Variants in XAB2 observed in about 807,000 individuals in gnomAD.
The protein encoded by XAB2 is pre-mRNA-splicing factor SYF1.
A neutral mutation model predicts 113.4 loss-of-function variants in XAB2; 57 were observed. The observed-to-expected ratio is 0.50, with a 90% confidence interval of 0.41 to 0.63. XAB2 has a LOEUF of 0.63. XAB2 is among the 20% of genes least tolerant of loss of function. The probability of loss-of-function intolerance (pLI) is 0.00; values close to 1 mark genes in which losing one functional copy is unlikely to be tolerated. For missense variants in XAB2, 1,037 were observed against 1,233.3 expected (o/e 0.84, Z 2.38); for synonymous variants, 497 against 498.8 (o/e 1.00, Z 0.05).
intron 12 of XAB2, chr19:7,622,061 G>A (rs770750080): frequency 2.5e-6 from 1 of 394,314 alleles, no homozygotes. Context: ...TTTCAAAAGT[G>A]ACACACACAA....
In XAB2 at chr19:7,624,072, C is replaced by A. The variant is rs1490911152; in HGVS notation, c.968-190G>T. On this transcript the variant is annotated intron_variant, in intron 7 of 18. Transcript: ENST00000358368. This position sits in a 1 kb window ranked among gnomAD's most constrained non-coding sequence, Gnocchi z 4.2. ...GGTACTGTGGATACCCCCTCCTACC[C>A]CCACTGTTCCCCTAGCCCTCCTGCC... Among the ~76,000 whole-genome samples the A allele has an allele frequency of 4.0e-5, 6 of 151,370 alleles. No homozygotes were observed. The highest frequency in any genetic ancestry group is 8.9e-5 in the Non-Finnish European group (6 of 67,772).
At chr19:7,620,508 GCCC>G in intron 15 of XAB2, 36 bp downstream of exon 15, 1 of 1,610,968 alleles carries the variant, frequency 6.2e-7, no homozygotes. Context: ...CTCCGCCGCA[GCCC>G]CCAACCCTGA....
intron 16 of XAB2, 84 bp from the exon 17 acceptor site, chr19:7,620,159 G>A: frequency 6.3e-7 from 1 of 1,592,756 alleles, no homozygotes; most frequent in South Asian, 1.1e-5. Context: ...CCCAGGTGAT[G>A]GCCCAGCCCT....
At position 7,621,095 on chromosome 19, in the gene XAB2, GC is replaced by G. The variant is rs751579649; in HGVS notation, c.1780+39del. ...TCAGCCGGGGCCAGTCAGAAACCCA[GC>G]CCGCCCGCCACCCCCCCCATGCCCT... On this transcript the variant is annotated intron_variant, in intron 13 of 18. Transcript: ENST00000358368. 105 of 1,487,554 alleles carry G rather than the reference GC, an allele frequency of 7.1e-5. No homozygotes were observed. In the East Asian group the frequency reaches 2.6e-3, roughly 37 times the overall value. The allele number at this position is 1,487,554 out of a possible 1,614,324, so 92.1% of individuals were successfully genotyped here.
Position 7,623,951 on chromosome 19 carries a change from C to T in XAB2, c.968-69G>A, listed in dbSNP as rs4134843. On this transcript the variant is annotated intron_variant, in intron 7 of 18. Coordinates refer to ENST00000358368, the MANE Select transcript of XAB2 (RefSeq NM_020196.3). This position sits in a 1 kb window ranked among gnomAD's most constrained non-coding sequence, Gnocchi z 4.6. ...GCAGGTCCCCGGATGCCACCGCCTC[C>T]ACTCCCCACCCTCACTCCGCTCCAG... 7.2e-3 allele frequency: 10,585 copies of T among 1,468,628 alleles called. 539 individuals are homozygous for T. In the Admixed American group the frequency reaches 0.14, roughly 19 times the overall value. The allele number at this position is 1,468,628 out of a possible 1,614,324, so 91.0% of individuals were successfully genotyped here. A position where few individuals can be genotyped will look rare whatever the true frequency, so the allele number is the denominator to read the frequency against.
chr19:7,622,873 C>T lies in XAB2; in HGVS notation c.1260G>A (p.Lys420=). The change falls in exon 10 of 19, where the codon AAG becomes AAA. Residue 420 remains lysine, a synonymous_variant. Transcript: ENST00000358368. ...CCTGCTTGAAGTTCACCTTGGTGGC[C>T]TTCTCCAGGATGACACGGGCCTGCC... The part of the protein sequence containing the change: ...QLDDARVILE[K]ATKVNFKQVD... The T allele has an allele frequency of 1.2e-6, 2 of 1,613,844 alleles. No individual in the cohort carries two copies. The highest frequency in any genetic ancestry group is 1.7e-6 in the Non-Finnish European group (2 of 1,179,954).
intron 12 of XAB2, chr19:7,621,914 A>C: frequency 4.7e-6 from 1 of 214,352 alleles, no homozygotes; most frequent in Non-Finnish European, 9.5e-6. Flanking sequence ...CCCCCCTCAA[A>C]ACATTCATAT....
rs755696198 is a variant in XAB2, at chr19:7,624,283, G to A, written c.967+18C>T. 1.9e-6 allele frequency: 3 copies of A among 1,611,848 alleles called. No homozygotes were observed. The highest frequency in any genetic ancestry group is 2.5e-6 in the Non-Finnish European group (3 of 1,179,980). On this transcript the variant is annotated intron_variant, in intron 7 of 18. Coordinates refer to ENST00000358368, the MANE Select transcript of XAB2 (RefSeq NM_020196.3). The surrounding 1 kb of genome is among the most constrained non-coding windows in gnomAD (Gnocchi z 4.2). ...CACTCAGCTCTCTCCCCACCAGCCG[G>A]GGCCCCCAGAGGCTCACCCTCCTCC...
Position 7,620,859 on chromosome 19 carries a change from T to C in XAB2, c.1958A>G (p.Gln653Arg). The change falls in exon 14 of 19, where the codon CAG becomes CGG. Residue 653 changes from glutamine to arginine, a missense_variant. Gln to Arg is a conservative substitution (Grantham distance 43). Transcript: ENST00000358368. The stretch of plus-strand genomic sequence containing the variant: ...CACGGTGGGTACCTCAATGGCCTTC[T>C]GGTAGATGCCGCGGGTGTGGGTGAC... ...YGVTHTRGIY[Q>R]KAIEVLSDEH... The C allele has an allele frequency of 6.3e-7, 1 of 1,586,050 alleles. No individual in the cohort carries two copies. The highest frequency in any genetic ancestry group is 8.6e-7 in the Non-Finnish European group (1 of 1,164,904).
At chr19:7,622,298 T>C (rs763838552) in intron 12 of XAB2, 33 bp downstream of exon 12, 1 of 1,607,992 alleles carries the variant, frequency 6.2e-7, no homozygotes, top group South Asian at 1.1e-5. Context: ...GACACTGCCA[T>C]CAGGGGCCTC....
In XAB2 at chr19:7,626,104, C is replaced by T. The variant is rs544785645; in HGVS notation, c.657+32G>A. ...GCTCAGTCATGGAGGGGGTGGCCCT[C>T]CCACCCAGTTGCCGGCTCCCGGCAG... On this transcript the variant is annotated intron_variant, in intron 5 of 18. Transcript: ENST00000358368. 1.2e-5 allele frequency: 20 copies of T among 1,612,648 alleles called. No individual in the cohort carries two copies. In the Admixed American group the frequency reaches 2.3e-4, roughly 19 times the overall value.
At position 7,625,070 on chromosome 19, in the gene XAB2, G is replaced by A. The variant is rs1037768089; in HGVS notation, c.823-625C>T. 1.5e-4 allele frequency among the ~76,000 whole-genome samples: 23 copies of A among 152,298 alleles called. No homozygotes were observed. Among genetic ancestry groups the A allele is most frequent in the Middle Eastern group, 3.4e-3 (1 of 294 alleles). Reference sequence around the variant, plus strand: ...AGCATGGCCAGCCCGTTTGGCTTTCGAGGCTCCCAACCTATCTTCCCTGGG... The same window carrying A: ...AGCATGGCCAGCCCGTTTGGCTTTCAAGGCTCCCAACCTATCTTCCCTGGG... On this transcript the variant is annotated intron_variant, in intron 6 of 18. Transcript: ENST00000358368. This position sits in a 1 kb window ranked among gnomAD's most constrained non-coding sequence, Gnocchi z 5.2.
chr19:7,624,283 G>C lies in XAB2; in HGVS notation c.967+18C>G, dbSNP rs755696198. 6.2e-7 allele frequency: 1 copy of C among 1,611,966 alleles called. No homozygotes were observed. The highest frequency in any genetic ancestry group is 8.5e-7 in the Non-Finnish European group (1 of 1,179,972). On this transcript the variant is annotated intron_variant, in intron 7 of 18. Transcript: ENST00000358368. This position sits in a 1 kb window ranked among gnomAD's most constrained non-coding sequence, Gnocchi z 4.2. ...CACTCAGCTCTCTCCCCACCAGCCG[G>C]GGCCCCCAGAGGCTCACCCTCCTCC...
At position 7,623,763 on chromosome 19, in the gene XAB2, G is replaced by T; in HGVS notation, c.1087C>A (p.Arg363Ser). The change falls in exon 8 of 19, where the codon CGT becomes AGT. Residue 363 changes from arginine to serine, a missense_variant. Transcript: ENST00000358368. The surrounding 1 kb of genome is among the most constrained non-coding windows in gnomAD (Gnocchi z 4.6). Reference sequence around the variant, plus strand: ...GGGCGGCCCTGGTGCAGGGCGACACGCTTGTGCCACTCGTGCACGTGGTGT... The same window carrying T: ...GGGCGGCCCTGGTGCAGGGCGACACTCTTGTGCCACTCGTGCACGTGGTGT... ...NPHHVHEWHK[R>S]VALHQGRPRE... is the part of the protein sequence containing the mutation. 1 of 1,611,054 alleles carries T rather than the reference G, an allele frequency of 6.2e-7. No homozygotes were observed.
At position 7,620,615 on chromosome 19, in the gene XAB2, A is replaced by C. The variant is rs1207000405; in HGVS notation, c.2026T>G (p.Cys676Gly). 1 of 1,612,950 alleles carries C rather than the reference A, an allele frequency of 6.2e-7. No homozygotes were observed. Among genetic ancestry groups the C allele is most frequent in the East Asian group, 2.2e-5 (1 of 44,852 alleles). The stretch of plus-strand genomic sequence containing the variant: ...GCGCGGTCAATCTCCCCGAGCTTGC[A>C]CTCCATGTCTGCAAACCGCAGGCAC... ...EMCLRFADMECKLGEIDRARA... is the reference protein window; with the variant it reads ...EMCLRFADMEGKLGEIDRARA... Residue 676 changes from cysteine to glycine, a missense_variant, in exon 15 of 19, where the codon TGC (cysteine) becomes GGC (glycine). Coordinates refer to ENST00000358368, the MANE Select transcript of XAB2 (RefSeq NM_020196.3).
In XAB2 at chr19:7,623,329, C is replaced by T. The variant is rs370194637; in HGVS notation, c.1120-40G>A. 92 of 1,604,894 alleles carry T rather than the reference C, an allele frequency of 5.7e-5. No individual in the cohort carries two copies. The African/African-American group carries it at 9.9e-4, about 17-fold the overall frequency. ...GAGGAGGTCATATAGGACTCAGGAC[C>T]CTGCAGATGACGGTCGGGGCAGAGC... On this transcript the variant is annotated intron_variant, in intron 8 of 18. Coordinates refer to ENST00000358368, the MANE Select transcript of XAB2 (RefSeq NM_020196.3). The surrounding 1 kb of genome is among the most constrained non-coding windows in gnomAD (Gnocchi z 4.6).
chr19:7,626,411 C>T, intron 4 of XAB2, 141 bp from the exon 5 acceptor site: 1 of 1,235,638 alleles, frequency 8.1e-7, no homozygotes, highest in Non-Finnish European at 1.1e-6. Flanking sequence ...CCAGCCTCAG[C>T]CCCACTGGTC....
At position 7,619,641 on chromosome 19, in the gene XAB2, C is replaced by A. The variant is rs144798612; in HGVS notation, c.2513G>T (p.Arg838Leu). Reference sequence around the variant, plus strand: ...GGCTGGCACGCTCTGCTGCTCCAGCCGAACCTCTGTGGGGAAGGCGGGAGC... The same window carrying A: ...GGCTGGCACGCTCTGCTGCTCCAGCAGAACCTCTGTGGGGAAGGCGGGAGC... Reference protein sequence around the residue: ...DEMDLEPNEVRLEQQSVPAAV... With the variant: ...DEMDLEPNEVLLEQQSVPAAV... Residue 838 changes from arginine (R) to leucine (L), a missense_variant, in exon 19 of 19, where the codon CGG becomes CTG. Arg to Leu is a moderately radical substitution (Grantham distance 102, BLOSUM62 -2). Coordinates refer to ENST00000358368, the MANE Select transcript of XAB2 (RefSeq NM_020196.3). 2.2e-5 allele frequency: 35 copies of A among 1,603,720 alleles called. No homozygotes were observed. In the African/African-American group the frequency reaches 4.5e-4, roughly 21 times the overall value.
rs140344688 is a variant in XAB2, at chr19:7,619,974, G to C, written c.2368C>G (p.Arg790Gly). 6.2e-7 allele frequency: 1 copy of C among 1,611,898 alleles called. No homozygotes were observed. The highest frequency in any genetic ancestry group is 1.7e-5 in the Admixed American group (1 of 60,018). Reference protein sequence around the residue: ...AAEAERDQPLRAQSKILFVRS... With the variant: ...AAEAERDQPLGAQSKILFVRS... ...ACGAACAGGATCTTGCTCTGGGCGC[G>C]CAAGGGCTGGTCACGCTCCGCCTCA... Residue 790 changes from arginine to glycine, a missense_variant, in exon 17 of 19, where the codon CGC becomes GGC. By Grantham distance (125) the Arg-to-Gly change is moderately radical. Coordinates refer to ENST00000358368, the MANE Select transcript of XAB2 (RefSeq NM_020196.3).
Sources: gnomAD v4.1 joint callset for allele counts (sites outside exome capture counted in the v4.1 genomes callset) on GRCh38, gnomAD v4.1.1 for gene constraint, Gnocchi (gnomAD v3.1) non-coding constraint, MANE v1.5 for transcripts, NCBI Gene and HGNC (gene_info 2026-07-23, HGNC 2026-07-21) for gene names.